Variants in GMCL1 observed in about 807,000 individuals in gnomAD.
GMCL1 encodes the protein germ cell-less 1, spermatogenesis associated.
Under a neutral mutation model 75.5 loss-of-function variants are expected in GMCL1, and 54 were observed. The ratio of observed to expected loss-of-function variants is 0.71; its 90% CI spans 0.57 to 0.90. The LOEUF (loss-of-function observed/expected upper bound fraction) is 0.90. Among genes scored for constraint, GMCL1 ranks in the 40% least tolerant of loss-of-function variants. The probability of loss-of-function intolerance (pLI) is 0.00; values close to 1 mark genes in which losing one functional copy is unlikely to be tolerated. For synonymous variants in GMCL1, 210 were observed against 209.6 expected, an observed-to-expected ratio of 1.00 and a Z score of -0.02; for missense variants, 537 against 622.7, an observed-to-expected ratio of 0.86 and a Z score of 1.47.
At chr2:69,863,081 C>T (rs754329399) in intron 10 of GMCL1, among the ~76,000 whole-genome samples, 5 of 152,166 alleles carry the variant, frequency 3.3e-5, no homozygotes, top group Non-Finnish European at 7.3e-5. Context: ...GAAGTACAGT[C>T]ATTTTGGGGG....
chr2:69,859,742 T>TTAA (rs1553372489), intron 9 of GMCL1, among the ~76,000 whole-genome samples: 8 of 79,130 alleles, frequency 1.0e-4, no homozygotes, highest in Non-Finnish European at 1.8e-4. Context: ...TCTCTCTCTC[T>TTAA]AAAAAAAAAA....
chr2:69,855,288 A>G (rs966758262), intron 9 of GMCL1, among the ~76,000 whole-genome samples: 13 of 152,136 alleles, frequency 8.5e-5, no homozygotes, highest in Middle Eastern at 7.9e-3. Context: ...TTTAAAGATC[A>G]TAAGTGATTT....
At chr2:69,844,935 G>A (rs1675092717) in intron 6 of GMCL1, 1 of 235,004 alleles carries the variant, frequency 4.3e-6, no homozygotes, top group South Asian at 4.3e-5. Context: ...ACAGGCCATG[G>A]TTTTAGACAA....
At chr2:69,849,618 T>C in intron 7 of GMCL1, 34 bp from the exon 8 acceptor site, 1 of 1,286,466 alleles carries the variant, frequency 7.8e-7, no homozygotes, top group Non-Finnish European at 1.1e-6. Flanking sequence ...TGAAATTTCA[T>C]AATTGTTTTC....
chr2:69,879,282 A>G lies in GMCL1; in HGVS notation c.*278A>G, dbSNP rs1469633222. ...TAGAACGATGTCAATTCATGCTTTT[A>G]ATTTAGCATCAATAGAAAATTGCTG... On this transcript the variant is annotated 3_prime_UTR_variant, in exon 14 of 14. Coordinates refer to ENST00000282570, the MANE Select transcript of GMCL1 (RefSeq NM_178439.5). The G allele has an allele frequency of 4.8e-6, 1 of 209,264 alleles. No homozygotes were observed. Among genetic ancestry groups the G allele is most frequent in the Non-Finnish European group, 9.5e-6 (1 of 105,510 alleles). 13.0% of individuals were successfully genotyped at this position (209,264 alleles called of 1,614,324 possible).
chr2:69,835,293 C>T (rs1487373060), intron 1 of GMCL1, among the ~76,000 whole-genome samples: 2 of 152,058 alleles, frequency 1.3e-5, no homozygotes, highest in Non-Finnish European at 2.9e-5. Context: ...AAAGCTCTTT[C>T]TTGTTCTGAG....
intron 1 of GMCL1, 32 bp downstream of exon 1, chr2:69,830,184 G>GACCCGC (rs1674631336): frequency 1.3e-6 from 2 of 1,542,428 alleles, no homozygotes; most frequent in Non-Finnish European, 1.7e-6. Flanking sequence ...CGCGGACCCG[G>GACCCGC]ACCCGCACCT....
At chr2:69,866,799 G>T (rs1374525072) in intron 11 of GMCL1, among the ~76,000 whole-genome samples, 1 of 152,052 alleles carries the variant, frequency 6.6e-6, no homozygotes, top group African/African-American at 2.4e-5. Context: ...AATGTTCAGA[G>T]TATAAAAGAA....
intron 13 of GMCL1, 42 bp from the exon 14 acceptor site, chr2:69,878,867 A>T (rs766486042): frequency 2.1e-6 from 3 of 1,407,294 alleles, no homozygotes; most frequent in Admixed American, 3.5e-5. Context: ...TTTTGTTTTT[A>T]TTTTATCTAA....
intron 9 of GMCL1, among the ~76,000 whole-genome samples, chr2:69,859,232 T>G (rs911570474): frequency 2.2e-4 from 33 of 151,856 alleles, no homozygotes; most frequent in African/African-American, 7.7e-4. Flanking sequence ...TTCATTCCAA[T>G]TTTACAAATG....
chr2:69,862,135 T>G (rs1408595072), intron 10 of GMCL1, among the ~76,000 whole-genome samples: 1 of 152,220 alleles, frequency 6.6e-6, no homozygotes, highest in Admixed American at 6.5e-5. Context: ...TTATAGTGCT[T>G]TGTAGTTCAC....
rs554961854 is a variant in GMCL1, at chr2:69,871,983, C to T, written c.1452+151C>T. 443 of 562,568 alleles carry T rather than the reference C, an allele frequency of 7.9e-4. 1 individual carries two copies. In the Middle Eastern group the frequency reaches 9.2e-3, roughly 12 times the overall value. 34.8% of individuals were successfully genotyped at this position (562,568 alleles called of 1,614,324 possible). Reference sequence around the variant, plus strand: ...TTTGAAGGTAAAGATGAAAGTACCACATTCACTTATGCATAATTGACCCCA... The same window carrying T: ...TTTGAAGGTAAAGATGAAAGTACCATATTCACTTATGCATAATTGACCCCA... On this transcript the variant is annotated intron_variant, in intron 13 of 13. Coordinates refer to ENST00000282570, the MANE Select transcript of GMCL1 (RefSeq NM_178439.5).
rs543832531 is a variant in GMCL1 at position 69,871,093 on chromosome 2, T to TCACAATAG, written c.1365-650_1365-643dup. 2.5e-3 allele frequency among the ~76,000 whole-genome samples: 388 copies of TCACAATAG among 152,322 alleles called. 2 individuals carry two copies. Among genetic ancestry groups the TCACAATAG allele is most frequent in the African/African-American group, 9.0e-3 (373 of 41,560 alleles). On this transcript the variant is annotated intron_variant, in intron 12 of 13. Coordinates refer to ENST00000282570, the MANE Select transcript of GMCL1 (RefSeq NM_178439.5). The stretch of plus-strand genomic sequence containing the variant: ...ATACTTATGTTCATAACAGCATTAT[T>TCACAATAG]CACAATAGCCAAAAGGTGGAAGCAA...
In GMCL1 at chr2:69,829,713, A is replaced by G. The variant is rs1230724929; in HGVS notation, c.-180A>G. 5.6e-5 allele frequency: 38 copies of G among 682,972 alleles called. No homozygotes were observed. Among genetic ancestry groups the G allele is most frequent in the Non-Finnish European group, 8.9e-5 (38 of 425,826 alleles). 42.3% of individuals were successfully genotyped at this position (682,972 alleles called of 1,614,324 possible). On this transcript the variant is annotated 5_prime_UTR_variant, in exon 1 of 14. Transcript: ENST00000282570. ...TGCTGCGGTGCTAGAGCGCGGCGCG[A>G]CCGGACGCTGCGGGCGGGGAAGAGG...
At chr2:69,842,768 T>C (rs1675020000) in intron 4 of GMCL1, 1 of 155,840 alleles carries the variant, frequency 6.4e-6, no homozygotes. Flanking sequence ...CATCACATGG[T>C]TAACTGACTA....
intron 8 of GMCL1, among the ~76,000 whole-genome samples, chr2:69,850,960 T>C (rs1361245551): frequency 6.6e-6 from 1 of 152,244 alleles, no homozygotes; most frequent in Non-Finnish European, 1.5e-5. Flanking sequence ...ACTCTTAATA[T>C]GGTTATTAGC....
At position 69,849,739 on chromosome 2, in the gene GMCL1, A is replaced by G. The variant is rs1675258375; in HGVS notation, c.931A>G (p.Lys311Glu). The G allele has an allele frequency of 6.3e-7, 1 of 1,575,724 alleles. No individual in the cohort carries two copies. The highest frequency in any genetic ancestry group is 8.6e-7 in the Non-Finnish European group (1 of 1,162,646). The change falls in exon 8 of 14, where the codon AAA (lysine) becomes GAA (glutamate). Residue 311 changes from lysine to glutamate, a missense_variant. This residue lies in a region of GMCL1 where 345 missense variants were observed against 410.5 expected (regional missense o/e 0.84). Transcript: ENST00000282570. ...ETDVWFSKQRKDFEGMAFLET... is the reference protein window; with the variant it reads ...ETDVWFSKQREDFEGMAFLET... ...AGATGTCTGGTTTTCTAAACAGAGG[A>G]AAGGTAGGCCTGAAGTTTTTGAGAA... is the stretch of plus-strand genomic sequence containing the variant.
intron 4 of GMCL1, 103 bp from the exon 5 acceptor site, chr2:69,843,046 T>G: frequency 2.2e-6 from 1 of 451,922 alleles, no homozygotes; most frequent in Admixed American, 4.1e-5. Context: ...CTTTCTTTTC[T>G]TTCTTCTTTT....
At chr2:69,852,999 G>A (rs1459552871) in intron 8 of GMCL1, among the ~76,000 whole-genome samples, 1 of 152,214 alleles carries the variant, frequency 6.6e-6, no homozygotes, top group Non-Finnish European at 1.5e-5. Flanking sequence ...ATGGCCACAT[G>A]TTGTCCAGCA....
Sources: gnomAD v4.1 joint callset for allele counts (sites outside exome capture counted in the v4.1 genomes callset) on GRCh38, gnomAD v4.1.1 for gene constraint, gnomAD v4.1.1 regional missense constraint, MANE v1.5 for transcripts, NCBI Gene and HGNC (gene_info 2026-07-23, HGNC 2026-07-21) for gene names.